Variants in PTPRN2 observed in about 807,000 individuals in gnomAD.
PTPRN2 encodes receptor-type tyrosine-protein phosphatase N2.
Under a neutral mutation model 118.8 loss-of-function variants are expected in PTPRN2, and 74 were observed. The ratio of observed to expected loss-of-function variants is 0.62; its 90% CI spans 0.52 to 0.76. The LOEUF is 0.76. PTPRN2 is among the 30% of genes least tolerant of loss of function. The pLI is 0.00. For missense variants in PTPRN2, 1,481 were observed against 1,394.4 expected, an observed-to-expected ratio of 1.06 and a Z score of -0.99; for synonymous variants, 641 against 608.0, an observed-to-expected ratio of 1.05 and a Z score of -0.80.
In PTPRN2 at chr7:157,671,347, G is replaced by A. The variant is rs1053853357; in HGVS notation, c.2001+11378C>T. 1.3e-5 allele frequency among the ~76,000 whole-genome samples: 2 copies of A among 152,202 alleles called. No individual in the cohort carries two copies. The highest frequency in any genetic ancestry group is 2.9e-5 in the Non-Finnish European group (2 of 68,038). ...AATGAGGAAGTCACCCTACACTGGA[G>A]GGATGGTGACGAGACGTCACCGCAG... On this transcript the variant is annotated intron_variant, in intron 13 of 22. Coordinates refer to ENST00000389418, the MANE Select transcript of PTPRN2 (RefSeq NM_002847.5). This position sits in a 1 kb window ranked among gnomAD's most constrained non-coding sequence, Gnocchi z 4.1.
intron 3 of PTPRN2, among the ~76,000 whole-genome samples, chr7:158,273,107 C>T (rs906636587): frequency 8.8e-5 from 13 of 147,986 alleles, no homozygotes; most frequent in South Asian, 4.2e-4. Context: ...GGCTGTGGGA[C>T]GAAGGGGAGA....
At chr7:158,285,348 C>G (rs1799699498) in intron 3 of PTPRN2, among the ~76,000 whole-genome samples, 1 of 152,210 alleles carries the variant, frequency 6.6e-6, no homozygotes, top group Admixed American at 6.5e-5. Context: ...CCAAGCATTG[C>G]TAACTAATGC....
At chr7:158,155,454 T>TCAC in intron 6 of PTPRN2, among the ~76,000 whole-genome samples, 1 of 151,414 alleles carries the variant, frequency 6.6e-6, no homozygotes, top group South Asian at 2.1e-4. Flanking sequence ...ACCAACACCA[T>TCAC]CATCACCATC....
In PTPRN2 at chr7:157,539,815, G is replaced by C. The variant is rs1287965025; in HGVS notation, c.*899C>G. ...CCCACAGGTCCGGGACGTGCCTGGA[G>C]GAGCCAGCGGGGGCCTGGCAGGGTT... On this transcript the variant is annotated 3_prime_UTR_variant, in exon 23 of 23. Transcript: ENST00000389418. 1 of 152,316 alleles carries C rather than the reference G, an allele frequency of 6.6e-6. No homozygotes were observed. The allele number at this position is 152,316 out of a possible 1,614,324, so 9.4% of individuals were successfully genotyped here. A position where few individuals can be genotyped will look rare whatever the true frequency, so the allele number is the denominator to read the frequency against.
chr7:158,524,020 AGTC>A (rs769250245), intron 1 of PTPRN2, among the ~76,000 whole-genome samples: 129 of 52,648 alleles, frequency 2.5e-3, no homozygotes, highest in East Asian at 3.1e-3. Flanking sequence ...CCTGGAGTGG[AGTC>A]GTCTGCCCTG....
chr7:158,081,571 C>T (rs1026935920), intron 10 of PTPRN2, among the ~76,000 whole-genome samples, 194 bp from the exon 11 acceptor site: 2 of 152,108 alleles, frequency 1.3e-5, no homozygotes, highest in Admixed American at 1.3e-4. Context: ...CCAGGAATTC[C>T]GTTTTTGGGC....
chr7:157,681,702 T>C (rs911592164), intron 13 of PTPRN2, among the ~76,000 whole-genome samples: 3 of 152,088 alleles, frequency 2.0e-5, no homozygotes, highest in African/African-American at 7.2e-5. Flanking sequence ...AGCAGGAGGG[T>C]ATGGTGCTGG....
chr7:158,159,963 C>T (rs193298261), intron 6 of PTPRN2, among the ~76,000 whole-genome samples: 3 of 152,250 alleles, frequency 2.0e-5, no homozygotes, highest in African/African-American at 4.8e-5. Context: ...ATATCAAAAT[C>T]TCTAAATAGA....
At position 158,556,799 on chromosome 7, in the gene PTPRN2, C is replaced by T. The variant is rs112713527; in HGVS notation, c.112+30759G>A. Among the ~76,000 whole-genome samples, 1,168 of 133,864 alleles carry T rather than the reference C, an allele frequency of 8.7e-3. 17 individuals are homozygous for T. The highest frequency in any genetic ancestry group is 0.031 in the African/African-American group (1,080 of 35,310). The allele number at this position is 133,864 out of a possible 152,430, so 87.8% of individuals were successfully genotyped here. On this transcript the variant is annotated intron_variant, in intron 1 of 22. Coordinates refer to ENST00000389418, the MANE Select transcript of PTPRN2 (RefSeq NM_002847.5). ...GCAGGTCGCTCCCACGCAGGTCAGG[C>T]GGCTCCCGCGCAGGTCGCTCCCACG...
chr7:157,737,583 C>A (rs1351648041), intron 12 of PTPRN2, among the ~76,000 whole-genome samples: 1 of 152,270 alleles, frequency 6.6e-6, no homozygotes, highest in Non-Finnish European at 1.5e-5. Context: ...CCTGGCCTGG[C>A]TTCTCTGGGC....
At chr7:158,180,489 T>C (rs1824605797) in intron 5 of PTPRN2, among the ~76,000 whole-genome samples, 1 of 152,176 alleles carries the variant, frequency 6.6e-6, no homozygotes, top group Admixed American at 6.5e-5. Flanking sequence ...AAAATAATGT[T>C]GGTATTTTGA....
chr7:158,149,440 G>GT (rs1388758300), intron 6 of PTPRN2, among the ~76,000 whole-genome samples: 4 of 129,792 alleles, frequency 3.1e-5, no homozygotes, highest in African/African-American at 9.3e-5. Context: ...TTCTCAAGAG[G>GT]TAAAAAAAAA....
At chr7:158,081,255 C>CACACGTGTGTGTGCGT (rs767755897) in intron 11 of PTPRN2, 43 bp downstream of exon 11, 1 of 1,533,446 alleles carries the variant, frequency 6.5e-7, no homozygotes, top group East Asian at 2.2e-5. Flanking sequence ...TGTGTGTGCA[C>CACACGTGTGTGTGCGT]ACACGTGTGT....
In PTPRN2 at chr7:157,990,677, A is replaced by C. The variant is rs899000222; in HGVS notation, c.1723+90621T>G. The stretch of plus-strand genomic sequence containing the variant: ...GTCCCCTTCCCAGTGAAGTCCCAGG[A>C]AACAGCCTCTCATGTTGCTGGGCCG... On this transcript the variant is annotated intron_variant, in intron 11 of 22. Transcript: ENST00000389418. The surrounding 1 kb of genome is among the most constrained non-coding windows in gnomAD (Gnocchi z 4.3). 6.6e-6 allele frequency among the ~76,000 whole-genome samples: 1 copy of C among 152,172 alleles called. No individual in the cohort carries two copies. Among genetic ancestry groups the C allele is most frequent in the Non-Finnish European group, 1.5e-5 (1 of 68,028 alleles).
In PTPRN2 at chr7:157,603,869, G is replaced by T; in HGVS notation, c.2418+133C>A. 1 of 826,682 alleles carries T rather than the reference G, an allele frequency of 1.2e-6. No homozygotes were observed. Among genetic ancestry groups the T allele is most frequent in the Non-Finnish European group, 1.9e-6 (1 of 527,470 alleles). 51.2% of individuals were successfully genotyped at this position (826,682 alleles called of 1,614,324 possible). The stretch of plus-strand genomic sequence containing the variant: ...GAGTGGCGGGAGCCCAATGGGCAGA[G>T]TCGGCCCTGTCCACCGCAGAGACGC... On this transcript the variant is annotated intron_variant, in intron 16 of 22. Transcript: ENST00000389418. The surrounding 1 kb of genome is among the most constrained non-coding windows in gnomAD (Gnocchi z 5.4).
At chr7:158,397,427 CA>C in intron 2 of PTPRN2, among the ~76,000 whole-genome samples, 1 of 152,216 alleles carries the variant, frequency 6.6e-6, no homozygotes, top group East Asian at 1.9e-4. Context: ...TCCAAGTGGC[CA>C]GGGGACAGGG....
At chr7:158,462,041 C>T (rs1002306756) in intron 2 of PTPRN2, among the ~76,000 whole-genome samples, 1 of 152,282 alleles carries the variant, frequency 6.6e-6, no homozygotes, top group Admixed American at 6.5e-5. Flanking sequence ...TCGTACTTCT[C>T]CTTCCATGCT....
intron 3 of PTPRN2, among the ~76,000 whole-genome samples, chr7:158,289,089 G>A (rs1311473473): frequency 6.6e-6 from 1 of 151,906 alleles, no homozygotes; most frequent in Non-Finnish European, 1.5e-5. Flanking sequence ...TTCTCTCACT[G>A]CTTTTAAGAT....
chr7:158,582,788 C>A lies in PTPRN2; in HGVS notation c.112+4770G>T, dbSNP rs1347333486. Among the ~76,000 whole-genome samples, 23 of 109,130 alleles carry A rather than the reference C, an allele frequency of 2.1e-4. 1 individual carries two copies. The highest frequency in any genetic ancestry group is 1.2e-3 in the Admixed American group (11 of 8,874). The allele number at this position is 109,130 out of a possible 152,430, so 71.6% of individuals were successfully genotyped here. Reference sequence around the variant, plus strand: ...CTCCAGCCTGGGTGACAAAGCGAGACTCCATCTCAAAAAAAAAAAAAAAAA... The same window carrying A: ...CTCCAGCCTGGGTGACAAAGCGAGAATCCATCTCAAAAAAAAAAAAAAAAA... On this transcript the variant is annotated intron_variant, in intron 1 of 22. Transcript: ENST00000389418.
Sources: gnomAD v4.1 joint callset for allele counts (sites outside exome capture counted in the v4.1 genomes callset) on GRCh38, gnomAD v4.1.1 for gene constraint, Gnocchi (gnomAD v3.1) non-coding constraint, MANE v1.5 for transcripts, NCBI Gene and HGNC (gene_info 2026-07-23, HGNC 2026-07-21) for gene names.